ATP5F1A: variants seen among roughly 807,000 people sequenced by gnomAD.
ATP5F1A encodes the protein ATP synthase F(1) complex subunit alpha, mitochondrial.
A neutral mutation model predicts 57.4 loss-of-function variants in ATP5F1A; 24 were observed. The observed-to-expected ratio is 0.42, with a 90% CI of 0.30 to 0.59. The LOEUF (loss-of-function observed/expected upper bound fraction) is 0.59. Ranked by LOEUF, ATP5F1A falls within the 20% of genes least tolerant of loss-of-function variation. The probability of loss-of-function intolerance (pLI) is 0.19; values close to 1 mark genes in which losing one functional copy is unlikely to be tolerated. For synonymous variants in ATP5F1A, 251 were observed against 255.5 expected (o/e 0.98, Z 0.17); for missense variants, 494 against 707.9 (o/e 0.70, Z 3.43).
chr18:46,088,077 T>C (rs1910255201), intron 6 of ATP5F1A, 32 bp downstream of exon 6: 1 of 1,582,980 alleles, frequency 6.3e-7, no homozygotes, highest in African/African-American at 1.4e-5. Context: ...GGACTTAAGA[T>C]AATAGCAATG....
Position 46,084,575 on chromosome 18 carries a change from C to T in ATP5F1A, c.1509G>A (p.Lys503=), listed in dbSNP as rs1419183892. ...AGAAAGCATTCTCAAACTTTGTAATCTTGCTGGGCTCCAGTTTATCAAGAT... is the reference window on the plus strand; with the variant it reads ...AGAAAGCATTCTCAAACTTTGTAATTTTGCTGGGCTCCAGTTTATCAAGAT... ...RGYLDKLEPS[K]ITKFENAFLS... The change falls in exon 11 of 12, where the codon AAG becomes AAA. Residue 503 remains lysine, a synonymous_variant. Transcript: ENST00000398752. 6.2e-7 allele frequency: 1 copy of T among 1,612,984 alleles called. No homozygotes were observed. The highest frequency in any genetic ancestry group is 8.5e-7 in the Non-Finnish European group (1 of 1,179,772).
intron 3 of ATP5F1A, 89 bp from the exon 4 acceptor site, chr18:46,090,085 T>TGGGGGGGGGGGG (rs71264822): frequency 1.4e-5 from 2 of 138,018 alleles, no homozygotes; most frequent in African/African-American, 4.9e-5. Flanking sequence ...AGTCGGGGGG[T>TGGGGGGGGGGGG]GGGGGGGGAA....
chr18:46,087,616 A>G (rs1016187986), intron 6 of ATP5F1A, 124 bp from the exon 7 acceptor site: 110 of 1,142,728 alleles, frequency 9.6e-5, no homozygotes, highest in Middle Eastern at 5.9e-4. Context: ...GCAGTGGCTC[A>G]TGCCTGTAAT....
chr18:46,084,555 G>C lies in ATP5F1A; in HGVS notation c.1529C>G (p.Ala510Gly), dbSNP rs17856350. ...CTGGCTGACGACATGAGACAAGAAAGCATTCTCAAACTTTGTAATCTTGCT... is the reference window on the plus strand; with the variant it reads ...CTGGCTGACGACATGAGACAAGAAACCATTCTCAAACTTTGTAATCTTGCT... Reference protein sequence around the residue: ...EPSKITKFENAFLSHVVSQHQ... With the variant: ...EPSKITKFENGFLSHVVSQHQ... The change falls in exon 11 of 12, where the codon GCT (alanine) becomes GGT (glycine). Residue 510 changes from alanine (A) to glycine (G), a missense_variant. Ala to Gly is a moderately conservative substitution (Grantham distance 60). Coordinates refer to ENST00000398752, the MANE Select transcript of ATP5F1A (RefSeq NM_004046.6). 1 of 1,612,758 alleles carries C rather than the reference G, an allele frequency of 6.2e-7. No homozygotes were observed. Among genetic ancestry groups the C allele is most frequent in the Non-Finnish European group, 8.5e-7 (1 of 1,179,672 alleles).
rs547339883 is a variant in ATP5F1A at position 46,080,386 on chromosome 18, T to C, written c.*3896A>G. The C allele has an allele frequency of 6.6e-6, 1 of 152,220 alleles. No individual in the cohort carries two copies. The highest frequency in any genetic ancestry group is 1.5e-5 in the Non-Finnish European group (1 of 68,030). The allele number at this position is 152,220 out of a possible 1,614,324, so 9.4% of individuals were successfully genotyped here. A position where few individuals can be genotyped will look rare whatever the true frequency, so the allele number is the denominator to read the frequency against. On this transcript the variant is annotated 3_prime_UTR_variant, in exon 12 of 12. Coordinates refer to ENST00000398752, the MANE Select transcript of ATP5F1A (RefSeq NM_004046.6). ...CACAGACACAATTTTATGACAGCCA[T>C]TTTGTTGCCACACAGAAGGGCCACT...
At chr18:46,098,404 G>A, upstream of ATP5F1A, 2 of 1,362,250 alleles carry the variant, frequency 1.5e-6, no homozygotes, top group Non-Finnish European at 1.9e-6. Flanking sequence ...GCATTTTTTG[G>A]CAGGTTACTT....
At chr18:46,086,074 C>T in intron 10 of ATP5F1A, 39 bp downstream of exon 10, 1 of 1,601,454 alleles carries the variant, frequency 6.2e-7, no homozygotes. Context: ...CCCTGATACA[C>T]AATAGGAACC....
chr18:46,090,855 C>A (rs1013921304), intron 3 of ATP5F1A, among the ~76,000 whole-genome samples: 1 of 152,180 alleles, frequency 6.6e-6, no homozygotes, highest in African/African-American at 2.4e-5. Context: ...CTCATCACTG[C>A]AGAATACTAC....
At chr18:46,093,687 G>A (rs1910726498) in intron 2 of ATP5F1A, among the ~76,000 whole-genome samples, 2 of 152,132 alleles carry the variant, frequency 1.3e-5, no homozygotes, top group African/African-American at 4.8e-5. Flanking sequence ...AGCCAGGTGT[G>A]GTGGTGCGTG....
chr18:46,094,899 G>T (rs532325559), intron 2 of ATP5F1A, 154 bp downstream of exon 2: 3 of 1,169,100 alleles, frequency 2.6e-6, no homozygotes, highest in Non-Finnish European at 2.2e-6. Context: ...CCATGACAGG[G>T]CTAAATGGTA....
upstream of ATP5F1A, among the ~76,000 whole-genome samples, chr18:46,100,175 C>G (rs1378162959): frequency 1.3e-5 from 2 of 148,454 alleles, no homozygotes; most frequent in Admixed American, 1.4e-4. Context: ...TGCTTTAACC[C>G]GGGAGGCAGA....
At position 46,083,742 on chromosome 18, in the gene ATP5F1A, G is replaced by C. The variant is rs1909890986; in HGVS notation, c.*540C>G. 1 of 152,516 alleles carries C rather than the reference G, an allele frequency of 6.6e-6. No homozygotes were observed. Among genetic ancestry groups the C allele is most frequent in the South Asian group, 2.1e-4 (1 of 4,842 alleles). 9.4% of individuals were successfully genotyped at this position (152,516 alleles called of 1,614,324 possible). A position where few individuals can be genotyped will look rare whatever the true frequency, so the allele number is the denominator to read the frequency against. On this transcript the variant is annotated 3_prime_UTR_variant, in exon 12 of 12. Transcript: ENST00000398752. The stretch of plus-strand genomic sequence containing the variant: ...CACCTGTAATCCCAGCACTGTGGTA[G>C]GTAGGCCAAGGCAGGTGGATCACCT...
intron 10 of ATP5F1A, 118 bp downstream of exon 10, chr18:46,085,995 G>A: frequency 8.9e-7 from 1 of 1,129,370 alleles, no homozygotes; most frequent in Non-Finnish European, 1.2e-6. Flanking sequence ...TGCCTTTGAT[G>A]AAAGATAACA....
intron 1 of ATP5F1A, among the ~76,000 whole-genome samples, chr18:46,096,563 A>T (rs1910972793): frequency 6.6e-6 from 1 of 151,666 alleles, no homozygotes; most frequent in Admixed American, 6.6e-5. Flanking sequence ...AAAGGTACCC[A>T]ATTTTTATTA....
At chr18:46,085,833 T>C in intron 10 of ATP5F1A, 1 of 364,258 alleles carries the variant, frequency 2.7e-6, no homozygotes, top group Non-Finnish European at 5.0e-6. Context: ...CTAAGGAGGC[T>C]GAGGCAGGAG....
At chr18:46,089,492 T>C in intron 5 of ATP5F1A, 74 bp downstream of exon 5, 1 of 1,549,694 alleles carries the variant, frequency 6.5e-7, no homozygotes, top group Non-Finnish European at 8.8e-7. Context: ...CCATTTACCA[T>C]TCCAAGACTA....
At chr18:46,094,981 A>G (rs1005297381) in intron 2 of ATP5F1A, 72 bp downstream of exon 2, 1 of 1,471,692 alleles carries the variant, frequency 6.8e-7, no homozygotes, top group African/African-American at 1.4e-5. Context: ...ACAACTCACC[A>G]CAGTTATACG....
At chr18:46,099,850 T>C (rs1057402874), upstream of ATP5F1A, among the ~76,000 whole-genome samples, 3 of 152,192 alleles carry the variant, frequency 2.0e-5, no homozygotes, top group South Asian at 2.1e-4. Context: ...TCCTGAAACA[T>C]GGCTTGTAAA....
chr18:46,084,162 C>T lies in ATP5F1A; in HGVS notation c.*120G>A. ...AGAAAACAACTATGCATTATGGAAC[C>T]TTTATTTTTCATGTGATTTCTGTAC... is the stretch of plus-strand genomic sequence containing the variant. On this transcript the variant is annotated 3_prime_UTR_variant, in exon 12 of 12. Coordinates refer to ENST00000398752, the MANE Select transcript of ATP5F1A (RefSeq NM_004046.6). The T allele has an allele frequency of 1.3e-6, 1 of 798,340 alleles. No homozygotes were observed. Among genetic ancestry groups the T allele is most frequent in the South Asian group, 2.1e-5 (1 of 47,624 alleles). The allele number at this position is 798,340 out of a possible 1,614,324, so 49.5% of individuals were successfully genotyped here.
Sources: gnomAD v4.1 joint callset for allele counts (sites outside exome capture counted in the v4.1 genomes callset) on GRCh38, gnomAD v4.1.1 for gene constraint, MANE v1.5 for transcripts, NCBI Gene and HGNC (gene_info 2026-07-23, HGNC 2026-07-21) for gene names.